PARD3B: variants seen among roughly 807,000 people sequenced by gnomAD.
PARD3B encodes par-3 family cell polarity regulator beta.
A neutral mutation model predicts 130.2 loss-of-function variants in PARD3B; 103 were observed. That is an observed-to-expected ratio of 0.79 (90% CI 0.67 to 0.93). PARD3B has a LOEUF of 0.93. Ranked by LOEUF, PARD3B falls within the 40% of genes least tolerant of loss-of-function variation. The pLI, the probability that PARD3B is intolerant of heterozygous loss-of-function variation, is 0.00. For missense variants in PARD3B, 1,609 were observed against 1,499.2 expected (o/e 1.07, Z -1.21); for synonymous variants, 583 against 553.2 (o/e 1.05, Z -0.76).
In PARD3B at chr2:204,659,108, A is replaced by G. The variant is rs181224586; in HGVS notation, c.121-27073A>G. Among the ~76,000 whole-genome samples, 13 of 152,152 alleles carry G rather than the reference A, an allele frequency of 8.5e-5. 1 individual carries two copies. The highest frequency in any genetic ancestry group is 2.7e-4 in the African/African-American group (11 of 41,438). ...GATCTCAGAAAATGCTAACTCCTCA[A>G]TTTGCATTCTTAGATGTGTTACTGC... On this transcript the variant is annotated intron_variant, in intron 1 of 22. Transcript: ENST00000406610.
intron 16 of PARD3B, among the ~76,000 whole-genome samples, chr2:205,259,960 A>G (rs192861168): frequency 7.9e-5 from 12 of 152,282 alleles, no homozygotes; most frequent in African/African-American, 2.4e-4. Flanking sequence ...AGATAATTTT[A>G]TATAATATTT....
intron 19 of PARD3B, among the ~76,000 whole-genome samples, chr2:205,422,650 C>G (rs1225861222): frequency 1.3e-5 from 2 of 152,026 alleles, no homozygotes; most frequent in Non-Finnish European, 2.9e-5. Context: ...TCCCTTTTTT[C>G]CAACATTTTA....
chr2:205,302,743 A>G (rs1324589382), intron 18 of PARD3B, among the ~76,000 whole-genome samples: 1 of 152,138 alleles, frequency 6.6e-6, no homozygotes, highest in African/African-American at 2.4e-5. Context: ...GCACTGTGGT[A>G]CAGGGGAGAT....
In PARD3B at chr2:204,673,339, TATTTC is replaced by T. The variant is rs2036394664; in HGVS notation, c.121-12837_121-12833del. Reference sequence around the variant, plus strand: ...GCTGATGTAAAAAGTAGTAGAATTTTATTTCATTTTGTAGAGTGGAATAAAAAATT... The same window carrying T: ...GCTGATGTAAAAAGTAGTAGAATTTTATTTTGTAGAGTGGAATAAAAAATT... On this transcript the variant is annotated intron_variant, in intron 1 of 22. Transcript: ENST00000406610. The surrounding 1 kb of genome is among the most constrained non-coding windows in gnomAD (Gnocchi z 4.7). 6.6e-6 allele frequency among the ~76,000 whole-genome samples: 1 copy of T among 152,222 alleles called. No homozygotes were observed. The highest frequency in any genetic ancestry group is 2.4e-5 in the African/African-American group (1 of 41,458).
chr2:205,389,675 C>A (rs116180832), intron 18 of PARD3B, among the ~76,000 whole-genome samples: 1 of 152,170 alleles, frequency 6.6e-6, no homozygotes, highest in Non-Finnish European at 1.5e-5. Flanking sequence ...TGGTAGGATG[C>A]AATCTAATGT....
chr2:204,562,381 A>G (rs1015614584), intron 1 of PARD3B, among the ~76,000 whole-genome samples: 15 of 152,186 alleles, frequency 9.9e-5, no homozygotes, highest in Admixed American at 9.2e-4. Flanking sequence ...AATGAACTTA[A>G]ACTCCTAAAA....
At chr2:204,667,876 C>T (rs1381431811) in intron 1 of PARD3B, among the ~76,000 whole-genome samples, 17 of 152,072 alleles carry the variant, frequency 1.1e-4, no homozygotes, top group Admixed American at 1.1e-3. Flanking sequence ...TTGGACTCTG[C>T]CTTTTAGCAT....
rs2125815264 is a variant in PARD3B, at chr2:205,196,655, A to T, written c.2140+3335A>T. The stretch of plus-strand genomic sequence containing the variant: ...AGGACTCTATCATATATTTTTATCC[A>T]TGGGGTATGAGATGGAAGAATTTTC... On this transcript the variant is annotated intron_variant, in intron 15 of 22. Coordinates refer to ENST00000406610, the MANE Select transcript of PARD3B (RefSeq NM_001302769.2). 2.6e-5 allele frequency among the ~76,000 whole-genome samples: 4 copies of T among 152,266 alleles called. No homozygotes were observed. In the South Asian group the frequency reaches 8.3e-4, roughly 32 times the overall value.
chr2:205,440,871 A>G lies in PARD3B; in HGVS notation c.3044+199A>G, dbSNP rs2047691278. On this transcript the variant is annotated intron_variant, in intron 20 of 22. Coordinates refer to ENST00000406610, the MANE Select transcript of PARD3B (RefSeq NM_001302769.2). The surrounding 1 kb of genome is among the most constrained non-coding windows in gnomAD (Gnocchi z 4.2). The stretch of plus-strand genomic sequence containing the variant: ...AAACAATAGCCAATTGTAAGGTGGC[A>G]TGAATGAATAGTAGTAGCAGAGTTC... Among the ~76,000 whole-genome samples, 4 of 152,238 alleles carry G rather than the reference A, an allele frequency of 2.6e-5. No individual in the cohort carries two copies. Among genetic ancestry groups the G allele is most frequent in the Admixed American group, 2.6e-4 (4 of 15,280 alleles).
intron 1 of PARD3B, among the ~76,000 whole-genome samples, chr2:204,638,392 T>C (rs1017603543): frequency 1.3e-5 from 2 of 152,222 alleles, no homozygotes; most frequent in Admixed American, 1.3e-4. Context: ...TTTGAAAGAA[T>C]ATGGTCATGT....
rs964281409 is a variant in PARD3B at position 205,617,663 on chromosome 2, G to A, written c.*1850G>A. 2.0e-5 allele frequency: 3 copies of A among 152,126 alleles called. No individual in the cohort carries two copies. The highest frequency in any genetic ancestry group is 1.3e-4 in the Admixed American group (2 of 15,272). The allele number at this position is 152,126 out of a possible 1,614,324, so 9.4% of individuals were successfully genotyped here. On this transcript the variant is annotated 3_prime_UTR_variant, in exon 23 of 23. Transcript: ENST00000406610. ...ATCTCTCTTAAGCCAGGCACCTTTA[G>A]AGTGTTTGCAATTTGTTCGAAGTGG...
intron 2 of PARD3B, among the ~76,000 whole-genome samples, chr2:204,937,732 G>C (rs1688577354): frequency 6.6e-6 from 1 of 152,152 alleles, no homozygotes; most frequent in African/African-American, 2.4e-5. Flanking sequence ...GATGTTAGCA[G>C]CTGTAACAGT....
At chr2:205,039,112 G>T (rs992793473) in intron 3 of PARD3B, among the ~76,000 whole-genome samples, 18 of 151,894 alleles carry the variant, frequency 1.2e-4, no homozygotes, top group African/African-American at 1.9e-4. Flanking sequence ...GTGTTGTGCA[G>T]TTTTTTTGGC....
In PARD3B at chr2:205,118,914, C is replaced by G. The variant is rs2030273287; in HGVS notation, c.681-7C>G. On this transcript the variant is annotated splice_polypyrimidine_tract_variant and splice_region_variant and intron_variant, in intron 6 of 22. Transcript: ENST00000406610. ...TAATTATATTTCAATCTAAATTTTGCATTTAGGATTCTAGGACTCTTCATC... is the reference window on the plus strand; with the variant it reads ...TAATTATATTTCAATCTAAATTTTGGATTTAGGATTCTAGGACTCTTCATC... 6.4e-7 allele frequency: 1 copy of G among 1,550,784 alleles called. No homozygotes were observed.
chr2:205,035,753 A>G lies in PARD3B; in HGVS notation c.395-11828A>G, dbSNP rs969841903. ...CCATTATATATATTCTACTATGTAT[A>G]TAAATAATCCACTATATCTATCTAT... On this transcript the variant is annotated intron_variant, in intron 3 of 22. Coordinates refer to ENST00000406610, the MANE Select transcript of PARD3B (RefSeq NM_001302769.2). Among the ~76,000 whole-genome samples, 9 of 146,480 alleles carry G rather than the reference A, an allele frequency of 6.1e-5. No homozygotes were observed. In the South Asian group the frequency reaches 1.9e-3, roughly 31 times the overall value.
intron 2 of PARD3B, among the ~76,000 whole-genome samples, chr2:204,821,381 T>G (rs2125545423): frequency 6.6e-6 from 1 of 152,256 alleles, no homozygotes; most frequent in East Asian, 1.9e-4. Flanking sequence ...TAAAAAATGA[T>G]GAGTTCATGT....
intron 3 of PARD3B, among the ~76,000 whole-genome samples, chr2:205,009,453 C>G (rs914591404): frequency 2.6e-5 from 4 of 151,936 alleles, no homozygotes; most frequent in African/African-American, 9.7e-5. Flanking sequence ...GGGTGGATCA[C>G]AAGGTCAGGA....
intron 19 of PARD3B, among the ~76,000 whole-genome samples, chr2:205,428,226 A>G (rs1375070614): frequency 6.6e-6 from 1 of 152,134 alleles, no homozygotes; most frequent in Non-Finnish European, 1.5e-5. Flanking sequence ...TCTACAAAAA[A>G]TTACGAAAAT....
Position 205,269,067 on chromosome 2 carries a change from ATAG to A in PARD3B, c.2185+23249_2185+23251del, listed in dbSNP as rs1342357451. 6.6e-6 allele frequency among the ~76,000 whole-genome samples: 1 copy of A among 152,140 alleles called. No homozygotes were observed. The highest frequency in any genetic ancestry group is 1.9e-4 in the East Asian group (1 of 5,196). The stretch of plus-strand genomic sequence containing the variant: ...TGAGAAAATTGAGGTTTTGAGGCAA[ATAG>A]TAGGGAACAGAGTCTAGATTTGAAC... On this transcript the variant is annotated intron_variant, in intron 16 of 22. Coordinates refer to ENST00000406610, the MANE Select transcript of PARD3B (RefSeq NM_001302769.2). The surrounding 1 kb of genome is among the most constrained non-coding windows in gnomAD (Gnocchi z 4.7).
Sources: allele counts gnomAD v4.1 joint callset (sites outside exome capture counted in the v4.1 genomes callset), GRCh38; gene constraint gnomAD v4.1.1; non-coding constraint Gnocchi (gnomAD v3.1); transcripts MANE v1.5; gene names NCBI Gene and HGNC (gene_info 2026-07-23, HGNC 2026-07-21).